ABLIM2: variants seen among roughly 807,000 people sequenced by gnomAD.
The protein encoded by ABLIM2 is actin-binding LIM protein 2.
A neutral mutation model predicts 97.7 loss-of-function variants in ABLIM2; 53 were observed. The ratio of observed to expected loss-of-function variants is 0.54; its 90% confidence interval spans 0.44 to 0.68. The LOEUF (loss-of-function observed/expected upper bound fraction) is 0.68. Ranked by LOEUF, ABLIM2 falls within the 30% of genes least tolerant of loss-of-function variation. The probability of loss-of-function intolerance (pLI) is 0.00; values close to 1 mark genes in which losing one functional copy is unlikely to be tolerated. For synonymous variants in ABLIM2, 361 were observed against 345.8 expected (o/e 1.04, Z -0.49); for missense variants, 835 against 867.2 (o/e 0.96, Z 0.47).
chr4:8,062,038 G>C (rs1803510083), intron 6 of ABLIM2, among the ~76,000 whole-genome samples: 1 of 151,730 alleles, frequency 6.6e-6, no homozygotes, highest in Non-Finnish European at 1.5e-5. Flanking sequence ...ATAAGGCCGT[G>C]AATCTTCCAG....
At position 8,059,686 on chromosome 4, in the gene ABLIM2, G is replaced by A. The variant is rs187445473; in HGVS notation, c.763+1281C>T. ...GGAGGCCGAGGCGGGCAGATTGCCT[G>A]AGGTCAGGAGTTTGAGACTAGCCCG... On this transcript the variant is annotated intron_variant, in intron 7 of 20. Transcript: ENST00000447017. 2.3e-3 allele frequency among the ~76,000 whole-genome samples: 343 copies of A among 152,172 alleles called. 1 individual carries two copies. Among genetic ancestry groups the A allele is most frequent in the Non-Finnish European group, 4.1e-3 (277 of 68,012 alleles).
intron 1 of ABLIM2, among the ~76,000 whole-genome samples, chr4:8,156,942 C>A (rs774090484): frequency 1.2e-4 from 18 of 152,228 alleles, no homozygotes; most frequent in Non-Finnish European, 2.2e-4. Context: ...CACACATTGC[C>A]AGTTCCAAAG....
chr4:8,031,125 G>A (rs1171377234), intron 10 of ABLIM2, among the ~76,000 whole-genome samples: 1 of 152,250 alleles, frequency 6.6e-6, no homozygotes, highest in African/African-American at 2.4e-5. Context: ...CTGGCTGTGT[G>A]CAGGGAAGGA....
chr4:8,011,006 G>A (rs1376640972), intron 14 of ABLIM2, among the ~76,000 whole-genome samples: 1 of 152,190 alleles, frequency 6.6e-6, no homozygotes. Context: ...ATCGTTTCCT[G>A]AAAAGCCAGG....
chr4:7,981,488 C>T (rs1242919858), intron 20 of ABLIM2, among the ~76,000 whole-genome samples: 5 of 152,208 alleles, frequency 3.3e-5, no homozygotes, highest in African/African-American at 1.2e-4. Context: ...GGCCCGTGTT[C>T]TCAGGAGCTC....
rs190159632 is a variant in ABLIM2 at position 8,053,667 on chromosome 4, T to C, written c.822+521A>G. On this transcript the variant is annotated intron_variant, in intron 8 of 20. Transcript: ENST00000447017. The stretch of plus-strand genomic sequence containing the variant: ...TCTTTGCTATGTACACTCCAAAATT[T>C]GTGTGTTGGAAACTTGGTGTCCTTT... Among the ~76,000 whole-genome samples the C allele has an allele frequency of 3.9e-5, 6 of 152,276 alleles. No individual in the cohort carries two copies. In the East Asian group the frequency reaches 1.2e-3, roughly 29 times the overall value.
intron 14 of ABLIM2, among the ~76,000 whole-genome samples, chr4:8,013,383 C>T (rs765281594): frequency 2.0e-4 from 30 of 151,968 alleles, no homozygotes; most frequent in Non-Finnish European, 3.2e-4. Context: ...CCACCATGCC[C>T]GGCTAATTTT....
chr4:8,134,314 G>A (rs991408149), intron 1 of ABLIM2, among the ~76,000 whole-genome samples: 1 of 152,148 alleles, frequency 6.6e-6, no homozygotes, highest in African/African-American at 2.4e-5. Context: ...GGAGGGGATG[G>A]TGCTGCGTCT....
At chr4:7,994,409 C>T in intron 16 of ABLIM2, among the ~76,000 whole-genome samples, 1 of 33,320 alleles carries the variant, frequency 3.0e-5, no homozygotes, top group East Asian at 5.2e-4. Context: ...TCATCCATGT[C>T]CCTACAAAGG....
At chr4:8,013,297 A>G (rs1404464306) in intron 14 of ABLIM2, among the ~76,000 whole-genome samples, 1 of 136,504 alleles carries the variant, frequency 7.3e-6, no homozygotes, top group Non-Finnish European at 1.5e-5. Flanking sequence ...ATCTCGGCTC[A>G]CTGCAACCTT....
Position 8,020,226 on chromosome 4 carries a change from C to T in ABLIM2, c.1345G>A (p.Ala449Thr). The T allele has an allele frequency of 1.2e-6, 2 of 1,613,650 alleles. No individual in the cohort carries two copies. The highest frequency in any genetic ancestry group is 8.5e-7 in the Non-Finnish European group (1 of 1,179,788). The change falls in exon 13 of 21, where the codon GCA becomes ACA. Residue 449 changes from alanine (A) to threonine (T), a missense_variant. By Grantham distance (58) the Ala-to-Thr change is moderately conservative (BLOSUM62 0). Coordinates refer to ENST00000447017, the MANE Select transcript of ABLIM2 (RefSeq NM_001130083.2). ...CCTGGGACGTGGAAGTGGCGAGGTGCCTGCTGGTAGGTGGAGGGGGGCGGC... is the reference window on the plus strand; with the variant it reads ...CCTGGGACGTGGAAGTGGCGAGGTGTCTGCTGGTAGGTGGAGGGGGGCGGC... ...SKPPPSTYQQ[A>T]PRHFHVPDTG...
chr4:8,020,135 G>T, intron 13 of ABLIM2, 67 bp downstream of exon 13: 1 of 1,446,266 alleles, frequency 6.9e-7, no homozygotes, highest in Non-Finnish European at 9.5e-7. Flanking sequence ...TGACAGTTTG[G>T]GTGTGGCCAG....
Position 8,127,500 on chromosome 4 carries a change from G to A in ABLIM2, c.11-20863C>T, listed in dbSNP as rs1157714664. On this transcript the variant is annotated intron_variant, in intron 1 of 20. Transcript: ENST00000447017. The surrounding 1 kb of genome is among the most constrained non-coding windows in gnomAD (Gnocchi z 7.3). ...CCTGAAGCTGACTCATGGAGCTCACGGCTCCCAGCCGGATGGTCTGGGCAA... is the reference window on the plus strand; with the variant it reads ...CCTGAAGCTGACTCATGGAGCTCACAGCTCCCAGCCGGATGGTCTGGGCAA... 4.8e-5 allele frequency: 62 copies of A among 1,289,306 alleles called. No homozygotes were observed. The highest frequency in any genetic ancestry group is 1.2e-4 in the African/African-American group (8 of 65,798). 79.9% of individuals were successfully genotyped at this position (1,289,306 alleles called of 1,614,324 possible). A position where few individuals can be genotyped will look rare whatever the true frequency, so the allele number is the denominator to read the frequency against.
At chr4:8,055,815 AC>A (rs1798727935) in intron 7 of ABLIM2, among the ~76,000 whole-genome samples, 1 of 152,116 alleles carries the variant, frequency 6.6e-6, no homozygotes, top group African/African-American at 2.4e-5. Context: ...ATAAATTATG[AC>A]CATAAAAGTA....
At position 8,075,357 on chromosome 4, in the gene ABLIM2, C is replaced by T. The variant is rs1346552795; in HGVS notation, c.675+2271G>A. On this transcript the variant is annotated intron_variant, in intron 6 of 20. Coordinates refer to ENST00000447017, the MANE Select transcript of ABLIM2 (RefSeq NM_001130083.2). The surrounding 1 kb of genome is among the most constrained non-coding windows in gnomAD (Gnocchi z 4.4). Reference sequence around the variant, plus strand: ...GGTGAGGAAACTGTTCTAAAATTGACTGTGGAGATGGCTGCAAATATCTAT... The same window carrying T: ...GGTGAGGAAACTGTTCTAAAATTGATTGTGGAGATGGCTGCAAATATCTAT... 2.0e-5 allele frequency among the ~76,000 whole-genome samples: 3 copies of T among 152,066 alleles called. No individual in the cohort carries two copies. Among genetic ancestry groups the T allele is most frequent in the Non-Finnish European group, 4.4e-5 (3 of 68,028 alleles).
In ABLIM2 at chr4:8,085,830, A is replaced by G. The variant is rs1020890876; in HGVS notation, c.454+2339T>C. ...CTGCTGGAATTCAGCCTGCGTCTCC[A>G]GTTTCAGAACCAAGGCCACCTTGGA... is the stretch of plus-strand genomic sequence containing the variant. On this transcript the variant is annotated intron_variant, in intron 4 of 20. Coordinates refer to ENST00000447017, the MANE Select transcript of ABLIM2 (RefSeq NM_001130083.2). This position sits in a 1 kb window ranked among gnomAD's most constrained non-coding sequence, Gnocchi z 6.1. Among the ~76,000 whole-genome samples the G allele has an allele frequency of 6.6e-6, 1 of 152,158 alleles. No homozygotes were observed. The highest frequency in any genetic ancestry group is 2.4e-5 in the African/African-American group (1 of 41,424).
Position 8,120,816 on chromosome 4 carries a change from A to G in ABLIM2, c.11-14179T>C, listed in dbSNP as rs1390665127. 6.6e-6 allele frequency among the ~76,000 whole-genome samples: 1 copy of G among 152,176 alleles called. No homozygotes were observed. Among genetic ancestry groups the G allele is most frequent in the Admixed American group, 6.5e-5 (1 of 15,282 alleles). On this transcript the variant is annotated intron_variant, in intron 1 of 20. Transcript: ENST00000447017. This position sits in a 1 kb window ranked among gnomAD's most constrained non-coding sequence, Gnocchi z 5.6. ...CAGCTCAGCCCAGCCTACCGGAAAC[A>G]TGCTCAGAACACCTACGCCAGCCTA...
intron 20 of ABLIM2, among the ~76,000 whole-genome samples, chr4:7,974,348 A>AATCC (rs1730903517): frequency 4.8e-5 from 4 of 82,496 alleles, no homozygotes; most frequent in East Asian, 4.1e-4. Flanking sequence ...CCCATCCACC[A>AATCC]ATCCATCCAC....
rs1427828294 is a variant in ABLIM2, at chr4:8,095,250, T to C, written c.338+1849A>G. ...TCTCACATAGCTGGGACTACAGGCA[T>C]GCACCACCATGCCAGACTAATTTTT... On this transcript the variant is annotated intron_variant, in intron 3 of 20. Transcript: ENST00000447017. This position sits in a 1 kb window ranked among gnomAD's most constrained non-coding sequence, Gnocchi z 4.7. Among the ~76,000 whole-genome samples the C allele has an allele frequency of 6.6e-6, 1 of 152,040 alleles. No homozygotes were observed. Among genetic ancestry groups the C allele is most frequent in the Non-Finnish European group, 1.5e-5 (1 of 68,022 alleles).
Sources: allele counts gnomAD v4.1 joint callset (sites outside exome capture counted in the v4.1 genomes callset), GRCh38; gene constraint gnomAD v4.1.1; non-coding constraint Gnocchi (gnomAD v3.1); transcripts MANE v1.5; gene names NCBI Gene and HGNC (gene_info 2026-07-23, HGNC 2026-07-21).